Variants in TGM6 observed in about 807,000 individuals in gnomAD.
TGM6 encodes the protein protein-glutamine gamma-glutamyltransferase 6.
In TGM6, 74 loss-of-function variants were observed where a neutral mutation model predicts 77.5. The ratio of observed to expected loss-of-function variants is 0.96; its 90% confidence interval spans 0.79 to 1.16. The LOEUF (loss-of-function observed/expected upper bound fraction) is 1.16, where lower values mean the gene tolerates loss of function less well. TGM6 is among the 50% of genes most tolerant of loss of function. TGM6 has a pLI of 0.00. For missense variants in TGM6, 968 were observed against 940.2 expected (o/e 1.03, Z -0.39); for synonymous variants, 383 against 378.9 (o/e 1.01, Z -0.12).
chr20:2,425,013 A>G (rs1181369962), intron 10 of TGM6, among the ~76,000 whole-genome samples: 1 of 152,184 alleles, frequency 6.6e-6, no homozygotes, highest in Non-Finnish European at 1.5e-5. Flanking sequence ...TGGTGCTAAC[A>G]AACAGTTACA....
At chr20:2,423,242 C>A (rs2084868256) in intron 10 of TGM6, among the ~76,000 whole-genome samples, 1 of 151,890 alleles carries the variant, frequency 6.6e-6, no homozygotes, top group Non-Finnish European at 1.5e-5. Flanking sequence ...TGACTTTCTT[C>A]CTTTCACGAA....
chr20:2,425,683 T>C (rs1268744152), intron 10 of TGM6, among the ~76,000 whole-genome samples: 1 of 152,184 alleles, frequency 6.6e-6, no homozygotes. Flanking sequence ...CTTTTGCCTC[T>C]TGACATAAAC....
intron 1 of TGM6, among the ~76,000 whole-genome samples, chr20:2,382,940 C>A (rs1424284341): frequency 6.6e-6 from 1 of 152,170 alleles, no homozygotes; most frequent in Non-Finnish European, 1.5e-5. Context: ...AAATTACAAT[C>A]ATCTTTCAGC....
rs183100582 is a variant in TGM6 at position 2,395,538 on chromosome 20, G to C, written c.424+102G>C. ...TGGGAGGTGGGTTAAAGGACAAGAA[G>C]CTGAATGCCAAGAGCTGGGCAAGAA... On this transcript the variant is annotated intron_variant, in intron 3 of 12. Coordinates refer to ENST00000202625, the MANE Select transcript of TGM6 (RefSeq NM_198994.3). 5.6e-6 allele frequency: 9 copies of C among 1,599,062 alleles called. No individual in the cohort carries two copies. In the Admixed American group the frequency reaches 1.5e-4, roughly 27 times the overall value.
chr20:2,414,528 T>C lies in TGM6; in HGVS notation c.1337-2704T>C, dbSNP rs142729517. ...CAGTTTCTCAAAATGTTAAACATAGTGTTACCATGACCCGGCAACTGCACT... is the reference window on the plus strand; with the variant it reads ...CAGTTTCTCAAAATGTTAAACATAGCGTTACCATGACCCGGCAACTGCACT... On this transcript the variant is annotated intron_variant, in intron 9 of 12. Transcript: ENST00000202625. 4.4e-3 allele frequency among the ~76,000 whole-genome samples: 676 copies of C among 152,216 alleles called. 10 individuals are homozygous for C. The highest frequency in any genetic ancestry group is 0.015 in the African/African-American group (639 of 41,544).
intron 9 of TGM6, among the ~76,000 whole-genome samples, chr20:2,409,571 G>T (rs769050978): frequency 2.0e-5 from 3 of 151,856 alleles, no homozygotes; most frequent in Non-Finnish European, 4.4e-5. Context: ...AATTAATTGG[G>T]TGTGGGGGCA....
chr20:2,420,099 G>C (rs1267307436), intron 10 of TGM6, among the ~76,000 whole-genome samples: 1 of 152,116 alleles, frequency 6.6e-6, no homozygotes, highest in African/African-American at 2.4e-5. Flanking sequence ...AAAAAAATTA[G>C]CCGGGCGTGG....
intron 1 of TGM6, among the ~76,000 whole-genome samples, chr20:2,382,715 ATGAC>A (rs2084564689): frequency 6.6e-6 from 1 of 152,118 alleles, no homozygotes; most frequent in South Asian, 2.1e-4. Context: ...CTGTGCCTGA[ATGAC>A]TGAGACATCA....
At chr20:2,400,537 GGCCCAGA>G (rs1477383282) in intron 7 of TGM6, 93 bp downstream of exon 7, 215 of 1,574,964 alleles carry the variant, frequency 1.4e-4, no homozygotes, top group Non-Finnish European at 1.8e-4. Flanking sequence ...GGGAGCGGCA[GGCCCAGA>G]GCCCAGCTCT....
chr20:2,404,545 C>T (rs1317784012), intron 9 of TGM6, among the ~76,000 whole-genome samples: 1 of 152,124 alleles, frequency 6.6e-6, no homozygotes, highest in African/African-American at 2.4e-5. Context: ...AGCAGTGACC[C>T]TGGAAGGTTG....
intron 9 of TGM6, among the ~76,000 whole-genome samples, chr20:2,409,643 C>T (rs528553537): frequency 7.3e-5 from 11 of 150,664 alleles, no homozygotes; most frequent in Admixed American, 6.6e-4. Flanking sequence ...ACCTGGGAGG[C>T]GGAGGTTGCA....
At chr20:2,396,405 C>A in intron 3 of TGM6, 101 bp from the exon 4 acceptor site, 1 of 1,211,636 alleles carries the variant, frequency 8.3e-7, no homozygotes, top group Non-Finnish European at 1.2e-6. Flanking sequence ...CCCCAGTCAG[C>A]CTCCGGGCGC....
intron 10 of TGM6, among the ~76,000 whole-genome samples, chr20:2,428,196 G>C (rs79761224): frequency 6.6e-6 from 1 of 152,174 alleles, no homozygotes; most frequent in Non-Finnish European, 1.5e-5. Flanking sequence ...TGAGAAGAAT[G>C]CGTATCCTGC....
intron 9 of TGM6, among the ~76,000 whole-genome samples, chr20:2,412,257 G>A (rs186222547): frequency 1.8e-4 from 28 of 152,246 alleles, no homozygotes; most frequent in Non-Finnish European, 2.8e-4. Flanking sequence ...CTATGAGGCC[G>A]CTTATATCTA....
intron 9 of TGM6, 126 bp from the exon 10 acceptor site, chr20:2,417,106 T>A: frequency 1.2e-6 from 1 of 824,436 alleles, no homozygotes. Context: ...ACATAGAGAA[T>A]CAAACACAAG....
intron 10 of TGM6, among the ~76,000 whole-genome samples, chr20:2,419,572 A>C (rs2122415730): frequency 6.6e-6 from 1 of 152,302 alleles, no homozygotes; most frequent in South Asian, 2.1e-4. Flanking sequence ...TCTACCACCC[A>C]CCTACAAACT....
At chr20:2,414,258 G>C (rs1045385386) in intron 9 of TGM6, among the ~76,000 whole-genome samples, 1 of 152,118 alleles carries the variant, frequency 6.6e-6, no homozygotes, top group African/African-American at 2.4e-5. Context: ...CAAAGGATGT[G>C]AATGAACATT....
At chr20:2,429,109 GC>G (rs1200583926) in intron 10 of TGM6, among the ~76,000 whole-genome samples, 1 of 152,206 alleles carries the variant, frequency 6.6e-6, no homozygotes, top group African/African-American at 2.4e-5. Flanking sequence ...ACAGGCGTGA[GC>G]CACGGCACCC....
chr20:2,422,989 G>A (rs1233371042), intron 10 of TGM6, among the ~76,000 whole-genome samples: 2 of 150,700 alleles, frequency 1.3e-5, no homozygotes, highest in East Asian at 4.0e-4. Flanking sequence ...AACCTTCACT[G>A]AGTCATAATC....
Sources: gnomAD v4.1 joint callset for allele counts (sites outside exome capture counted in the v4.1 genomes callset) on GRCh38, gnomAD v4.1.1 for gene constraint, MANE v1.5 for transcripts, NCBI Gene and HGNC (gene_info 2026-07-23, HGNC 2026-07-21) for gene names.